DNAH7: variants seen among roughly 807,000 people sequenced by gnomAD.
The protein encoded by DNAH7 is dynein axonemal heavy chain 7.
DNAH7 carries 397 observed loss-of-function variants against 444.6 expected under a neutral mutation model. That is an observed-to-expected ratio of 0.89 (90% CI 0.82 to 0.97). DNAH7 has a LOEUF of 0.97. Ranked by LOEUF, DNAH7 falls within the 50% of genes least tolerant of loss-of-function variation. DNAH7 has a pLI of 0.00. For missense variants in DNAH7, 4,902 were observed against 4,800.8 expected, an observed-to-expected ratio of 1.02 and a Z score of -0.62; for synonymous variants, 1,636 against 1,624.4, an observed-to-expected ratio of 1.01 and a Z score of -0.17.
chr2:195,790,465 TAAAA>T (rs201882584), intron 57 of DNAH7, among the ~76,000 whole-genome samples: 1 of 129,088 alleles, frequency 7.7e-6, no homozygotes, highest in African/African-American at 2.8e-5. Context: ...TGGTACTGGT[TAAAA>T]AAAAAAAAAA....
At chr2:195,858,259 C>T (rs759181269) in intron 43 of DNAH7, among the ~76,000 whole-genome samples, 11 of 152,230 alleles carry the variant, frequency 7.2e-5, no homozygotes, top group Non-Finnish European at 1.3e-4. Flanking sequence ...GCTATAACAT[C>T]TGGCCGCTTT....
chr2:195,992,041 CACA>C (rs1693373508), intron 12 of DNAH7, among the ~76,000 whole-genome samples: 1 of 152,090 alleles, frequency 6.6e-6, no homozygotes, highest in Non-Finnish European at 1.5e-5. Context: ...CAACAAAACA[CACA>C]ACAACCTAGC....
chr2:195,847,534 A>C lies in DNAH7; in HGVS notation c.8782-2369T>G, dbSNP rs764612312. 5.1e-4 allele frequency among the ~76,000 whole-genome samples: 78 copies of C among 151,868 alleles called. 2 individuals carry two copies. Among genetic ancestry groups the C allele is most frequent in the Non-Finnish European group, 2.2e-4 (15 of 67,942 alleles). ...GAGGGTGAAGACTGAAAAACTACCT[A>C]CTAGATACTATGCTTATTACCTGGG... On this transcript the variant is annotated intron_variant, in intron 46 of 64. Coordinates refer to ENST00000312428, the MANE Select transcript of DNAH7 (RefSeq NM_018897.3).
chr2:195,834,488 T>A, intron 47 of DNAH7, 128 bp from the exon 48 acceptor site: 1 of 1,006,540 alleles, frequency 9.9e-7, no homozygotes, highest in Non-Finnish European at 1.4e-6. Context: ...TTTTAACTTA[T>A]GAGAAACTAT....
At chr2:195,989,840 A>G (rs1002647363) in intron 12 of DNAH7, among the ~76,000 whole-genome samples, 3 of 152,154 alleles carry the variant, frequency 2.0e-5, no homozygotes, top group Non-Finnish European at 4.4e-5. Context: ...TTCACTTTCC[A>G]TCATGTCTGT....
intron 64 of DNAH7, among the ~76,000 whole-genome samples, chr2:195,738,818 ATCC>A (rs1446921523): frequency 1.3e-5 from 2 of 152,182 alleles, no homozygotes; most frequent in African/African-American, 4.8e-5. Context: ...AGTAATAGCA[ATCC>A]TCGAGATGAT....
chr2:196,063,562 C>A (rs1351744782), intron 1 of DNAH7: 1 of 152,232 alleles, frequency 6.6e-6, no homozygotes, highest in South Asian at 2.1e-4. Flanking sequence ...CTTTCAAAAT[C>A]TTTTCAAAGA....
intron 46 of DNAH7, among the ~76,000 whole-genome samples, chr2:195,846,604 T>C (rs1421587244): frequency 1.3e-5 from 2 of 152,172 alleles, no homozygotes; most frequent in African/African-American, 4.8e-5. Flanking sequence ...GGATGCAAAG[T>C]ATTGATCCTG....
chr2:195,966,519 G>T (rs1033271216), intron 17 of DNAH7, among the ~76,000 whole-genome samples: 1 of 150,232 alleles, frequency 6.7e-6, no homozygotes, highest in Non-Finnish European at 1.5e-5. Flanking sequence ...TTCTGTCAGG[G>T]ACATCTGTCC....
At chr2:195,978,713 C>T (rs1692362794) in intron 15 of DNAH7, among the ~76,000 whole-genome samples, 1 of 152,038 alleles carries the variant, frequency 6.6e-6, no homozygotes, top group African/African-American at 2.4e-5. Flanking sequence ...CATAGCCTGA[C>T]AATAAAGAGA....
At chr2:195,786,532 A>G (rs1574431529) in intron 58 of DNAH7, among the ~76,000 whole-genome samples, 2 of 151,958 alleles carry the variant, frequency 1.3e-5, no homozygotes, top group East Asian at 3.9e-4. Context: ...TTCTTTCCAC[A>G]GTCTATACCC....
chr2:195,940,936 A>G (rs574030217), intron 19 of DNAH7, among the ~76,000 whole-genome samples: 1 of 152,336 alleles, frequency 6.6e-6, no homozygotes, highest in South Asian at 2.1e-4. Context: ...AGTGTAAATT[A>G]GTTCAACCAT....
intron 5 of DNAH7, among the ~76,000 whole-genome samples, chr2:196,031,322 G>C (rs1456351121): frequency 2.0e-5 from 3 of 152,186 alleles, no homozygotes; most frequent in Non-Finnish European, 4.4e-5. Context: ...CCCTGGGCCT[G>C]GCCCACAGAA....
chr2:195,919,614 G>A (rs1687899756), intron 24 of DNAH7, among the ~76,000 whole-genome samples: 1 of 152,074 alleles, frequency 6.6e-6, no homozygotes, highest in African/African-American at 2.4e-5. Flanking sequence ...CAAAGTGCTG[G>A]GATCACAGGC....
At chr2:195,898,273 A>G (rs2125254141) in intron 28 of DNAH7, among the ~76,000 whole-genome samples, 1 of 152,286 alleles carries the variant, frequency 6.6e-6, no homozygotes, top group African/African-American at 2.4e-5. Context: ...CATCAATAAC[A>G]CATCATCTAT....
chr2:195,839,799 C>A (rs528598654), intron 47 of DNAH7, among the ~76,000 whole-genome samples: 1 of 151,726 alleles, frequency 6.6e-6, no homozygotes, highest in African/African-American at 2.4e-5. Flanking sequence ...ACAGAAACTG[C>A]CAAAACTCAC....
At position 195,799,295 on chromosome 2, in the gene DNAH7, C is replaced by G; in HGVS notation, c.10353+1G>C. 1 of 1,573,310 alleles carries G rather than the reference C, an allele frequency of 6.4e-7. No individual in the cohort carries two copies. Among genetic ancestry groups the G allele is most frequent in the Non-Finnish European group, 8.6e-7 (1 of 1,161,072 alleles). ...CGATAACTTCATCTATTGTAAGGTACCTGGTCATCAGCAAATTTTAGAAGG... is the reference window on the plus strand; with the variant it reads ...CGATAACTTCATCTATTGTAAGGTAGCTGGTCATCAGCAAATTTTAGAAGG... On this transcript the variant is annotated splice_donor_variant, in intron 55 of 64. Coordinates refer to ENST00000312428, the MANE Select transcript of DNAH7 (RefSeq NM_018897.3). LOFTEE classifies it high-confidence loss of function.
At chr2:195,967,696 T>C (rs181589173) in intron 17 of DNAH7, among the ~76,000 whole-genome samples, 1 of 152,344 alleles carries the variant, frequency 6.6e-6, no homozygotes, top group Admixed American at 6.5e-5. Context: ...AGGTTCCCAC[T>C]GAAAAGCCTG....
chr2:196,021,283 T>A (rs1695363795), intron 8 of DNAH7, among the ~76,000 whole-genome samples: 1 of 152,170 alleles, frequency 6.6e-6, no homozygotes, highest in Non-Finnish European at 1.5e-5. Flanking sequence ...CATCTACCTA[T>A]CGATCCATCA....
Sources: allele counts gnomAD v4.1 joint callset (sites outside exome capture counted in the v4.1 genomes callset), GRCh38; gene constraint gnomAD v4.1.1; transcripts MANE v1.5; gene names NCBI Gene and HGNC (gene_info 2026-07-23, HGNC 2026-07-21).